Variants in UGT1A9 observed in about 807,000 individuals in gnomAD.
UGT1A9 encodes the protein UDP-glucuronosyltransferase 1A9.
A neutral mutation model predicts 45.0 loss-of-function variants in UGT1A9; 35 were observed. The ratio of observed to expected loss-of-function variants is 0.78; its 90% CI spans 0.59 to 1.03. The LOEUF (loss-of-function observed/expected upper bound fraction) is 1.03. UGT1A9 is among the 50% of genes least tolerant of loss of function. The probability of loss-of-function intolerance (pLI) is 0.00; values close to 1 mark genes in which losing one functional copy is unlikely to be tolerated. For missense variants in UGT1A9, 687 were observed against 666.6 expected (o/e 1.03, Z -0.34); for synonymous variants, 278 against 250.6 (o/e 1.11, Z -1.03).
Position 233,672,208 on chromosome 2 carries a change from G to C in UGT1A9, c.274G>C (p.Ala92Pro), listed in dbSNP as rs1559334155. The stretch of plus-strand genomic sequence containing the variant: ...GGAGGATCTGGACCGGGAGTTCAAG[G>C]CTTTTGCCCATGCTCAATGGAAAGC... ...TLEDLDREFK[A>P]FAHAQWKAQV... The change falls in exon 1 of 5, where the codon GCT (alanine) becomes CCT (proline). Residue 92 changes from alanine to proline, a missense_variant. Transcript: ENST00000354728. 1 of 1,614,156 alleles carries C rather than the reference G, an allele frequency of 6.2e-7. No homozygotes were observed. Among genetic ancestry groups the C allele is most frequent in the Admixed American group, 1.7e-5 (1 of 60,022 alleles).
At chr2:233,694,475 C>T (rs1176108446) in intron 1 of UGT1A9, among the ~76,000 whole-genome samples, 1 of 152,164 alleles carries the variant, frequency 6.6e-6, no homozygotes, top group Non-Finnish European at 1.5e-5. Flanking sequence ...GGTATGGCCT[C>T]TGACCTAAGA....
chr2:233,717,717 G>A (rs1199377056), intron 1 of UGT1A9: 3 of 454,162 alleles, frequency 6.6e-6, no homozygotes, highest in Non-Finnish European at 1.3e-5. Flanking sequence ...AGCCTCATGG[G>A]CATGAGACCA....
intron 1 of UGT1A9, among the ~76,000 whole-genome samples, chr2:233,711,310 G>T (rs1337998039): frequency 6.6e-6 from 1 of 152,194 alleles, no homozygotes; most frequent in Non-Finnish European, 1.5e-5. Context: ...AGATGACATT[G>T]GTGTCTAAAC....
At chr2:233,693,658 G>T in intron 1 of UGT1A9, 1 of 1,614,212 alleles carries the variant, frequency 6.2e-7, no homozygotes, top group South Asian at 1.1e-5. Context: ...ATTTGTTGGA[G>T]CCCTATCTAT....
chr2:233,687,293 G>A (rs539296326), intron 1 of UGT1A9, among the ~76,000 whole-genome samples: 2 of 152,144 alleles, frequency 1.3e-5, no homozygotes, highest in Non-Finnish European at 2.9e-5. Flanking sequence ...ACAACATGGT[G>A]AGATATCAAT....
intron 1 of UGT1A9, among the ~76,000 whole-genome samples, chr2:233,709,212 T>C (rs1269749554): frequency 6.6e-6 from 1 of 152,132 alleles, no homozygotes; most frequent in Admixed American, 6.5e-5. Context: ...AGAAGTACAT[T>C]TGAGAGTTTG....
At chr2:233,736,828 G>T (rs2078816893) in intron 1 of UGT1A9, among the ~76,000 whole-genome samples, 1 of 152,192 alleles carries the variant, frequency 6.6e-6, no homozygotes, top group Admixed American at 6.5e-5. Flanking sequence ...GATGCTCTTT[G>T]CTTTGGTATC....
intron 1 of UGT1A9, among the ~76,000 whole-genome samples, chr2:233,720,088 T>A (rs2076829579): frequency 1.3e-5 from 2 of 152,140 alleles, no homozygotes; most frequent in South Asian, 4.1e-4. Context: ...ACATGATAAT[T>A]TTTAGTGGTC....
At chr2:233,695,316 G>A (rs2075280466) in intron 1 of UGT1A9, among the ~76,000 whole-genome samples, 1 of 151,812 alleles carries the variant, frequency 6.6e-6, no homozygotes, top group African/African-American at 2.4e-5. Flanking sequence ...AGTAGAGGCG[G>A]GGTTTCACCA....
chr2:233,692,797 C>G (rs925616937), intron 1 of UGT1A9: 2 of 1,378,304 alleles, frequency 1.5e-6, no homozygotes, highest in African/African-American at 1.5e-5. Flanking sequence ...AAAGCTGACA[C>G]GGCCATAGTT....
At chr2:233,768,164 C>A in intron 3 of UGT1A9, 56 bp from the exon 4 acceptor site, 1 of 1,613,412 alleles carries the variant, frequency 6.2e-7, no homozygotes, top group South Asian at 1.1e-5. Context: ...CTAGATGTGT[C>A]CAGCTGTGAA....
rs539398300 is a variant in UGT1A9 at position 233,755,129 on chromosome 2, C to T, written c.856-11905C>T. The T allele has an allele frequency of 4.5e-6, 6 of 1,320,750 alleles. No individual in the cohort carries two copies. The South Asian group carries it at 5.7e-5, about 13-fold the overall frequency. 81.8% of individuals were successfully genotyped at this position (1,320,750 alleles called of 1,614,324 possible). ...ACACCTCGTAGGCCTCAGCCACCTG[C>T]TTGAATCTTCTCACCGCTTCCTCCC... On this transcript the variant is annotated intron_variant, in intron 1 of 4. Transcript: ENST00000354728.
At chr2:233,747,889 C>G (rs1274333143) in intron 1 of UGT1A9, 6 of 1,613,432 alleles carry the variant, frequency 3.7e-6, no homozygotes, top group Non-Finnish European at 4.2e-6. Context: ...CTTTGCCATG[C>G]TCTTTCTGCT....
chr2:233,732,886 T>C lies in UGT1A9; in HGVS notation c.856-34148T>C, dbSNP rs572448291. On this transcript the variant is annotated intron_variant, in intron 1 of 4. Coordinates refer to ENST00000354728, the MANE Select transcript of UGT1A9 (RefSeq NM_021027.3). ...CTTGATGGGTTTGGCATTGAATCTATAAATTACCTTGGGCAGTATGGCCAT... is the reference window on the plus strand; with the variant it reads ...CTTGATGGGTTTGGCATTGAATCTACAAATTACCTTGGGCAGTATGGCCAT... Among the ~76,000 whole-genome samples, 466 of 152,210 alleles carry C rather than the reference T, an allele frequency of 3.1e-3. 4 individuals are homozygous for C. The highest frequency in any genetic ancestry group is 0.011 in the African/African-American group (443 of 41,520).
At position 233,728,107 on chromosome 2, in the gene UGT1A9, C is replaced by T. The variant is rs144723980; in HGVS notation, c.856-38927C>T. On this transcript the variant is annotated intron_variant, in intron 1 of 4. Transcript: ENST00000354728. ...CCTTTAGAAAGGCACATATTTAATT[C>T]TCCATCTTGAAATTTGGACTAGGGC... Among the ~76,000 whole-genome samples, 25 of 152,336 alleles carry T rather than the reference C, an allele frequency of 1.6e-4. No individual in the cohort carries two copies. In the East Asian group the frequency reaches 4.2e-3, roughly 26 times the overall value.
chr2:233,705,445 G>A (rs79916929), intron 1 of UGT1A9, among the ~76,000 whole-genome samples: 4,116 of 152,216 alleles, frequency 0.027, 91 homozygotes, highest in African/African-American at 0.046. Flanking sequence ...CTTCAGAATT[G>A]CACATATTTT....
chr2:233,716,731 A>G (rs28898604), intron 1 of UGT1A9, among the ~76,000 whole-genome samples: 1,732 of 152,296 alleles, frequency 0.011, 26 homozygotes, highest in African/African-American at 0.04. Context: ...TTATATGTTT[A>G]GCTCTGTGAG....
At chr2:233,681,513 A>G (rs892395680) in intron 1 of UGT1A9, among the ~76,000 whole-genome samples, 9 of 143,996 alleles carry the variant, frequency 6.3e-5, no homozygotes, top group African/African-American at 2.1e-4. Flanking sequence ...CCTGGATGAC[A>G]CAGTGAGACT....
intron 1 of UGT1A9, among the ~76,000 whole-genome samples, chr2:233,757,174 C>T (rs1696427708): frequency 6.6e-6 from 1 of 151,088 alleles, no homozygotes; most frequent in Non-Finnish European, 1.5e-5. Context: ...GTTTTGAGAG[C>T]AAGGCAGAGG....
Sources: gnomAD v4.1 joint callset for allele counts (sites outside exome capture counted in the v4.1 genomes callset) on GRCh38, gnomAD v4.1.1 for gene constraint, MANE v1.5 for transcripts, NCBI Gene and HGNC (gene_info 2026-07-23, HGNC 2026-07-21) for gene names.